Variants in DPP10 observed in about 807,000 individuals in gnomAD.
The protein encoded by DPP10 is inactive dipeptidyl peptidase 10.
DPP10 carries 33 observed loss-of-function variants against 120.9 expected under a neutral mutation model. That is an observed-to-expected ratio of 0.27 (90% CI 0.21 to 0.37). DPP10 has a LOEUF of 0.37. Among genes scored for constraint, DPP10 ranks in the 10% least tolerant of loss-of-function variants. The probability of loss-of-function intolerance (pLI) is 1.00; values close to 1 mark genes in which losing one functional copy is unlikely to be tolerated. For missense variants in DPP10, 816 were observed against 942.8 expected (o/e 0.87, Z 1.76); for synonymous variants, 337 against 326.1 (o/e 1.03, Z -0.36).
chr2:115,794,237 C>A (rs896134632), intron 19 of DPP10, among the ~76,000 whole-genome samples: 2 of 152,116 alleles, frequency 1.3e-5, no homozygotes, highest in African/African-American at 2.4e-5. Context: ...TGAGCCATTT[C>A]TTGATCTGTA....
chr2:115,243,239 G>A (rs1261673372), intron 1 of DPP10, among the ~76,000 whole-genome samples: 10 of 152,082 alleles, frequency 6.6e-5, no homozygotes, highest in Admixed American at 6.6e-4. Flanking sequence ...TTTAATTGTA[G>A]CAGGATCCCA....
chr2:114,555,737 T>C (rs889863324), intron 1 of DPP10, among the ~76,000 whole-genome samples: 1 of 152,210 alleles, frequency 6.6e-6, no homozygotes, highest in African/African-American at 2.4e-5. Context: ...TCATATTTAA[T>C]GATGTATAAC....
intron 1 of DPP10, among the ~76,000 whole-genome samples, chr2:114,850,775 A>G (rs1688889422): frequency 2.6e-5 from 4 of 152,198 alleles, no homozygotes; most frequent in Admixed American, 6.5e-5. Flanking sequence ...TTTCACTAGA[A>G]TAAGAATTCC....
intron 7 of DPP10, among the ~76,000 whole-genome samples, chr2:115,720,645 G>T (rs1029745883): frequency 6.6e-6 from 1 of 151,902 alleles, no homozygotes; most frequent in Non-Finnish European, 1.5e-5. Context: ...ATAGCATGTT[G>T]GAGGTTTCTA....
At chr2:115,338,273 G>A (rs929361687) in intron 2 of DPP10, among the ~76,000 whole-genome samples, 9 of 151,960 alleles carry the variant, frequency 5.9e-5, no homozygotes, top group African/African-American at 1.7e-4. Context: ...TTTTGTTACA[G>A]ACATATCGGG....
intron 1 of DPP10, among the ~76,000 whole-genome samples, chr2:115,241,649 C>T (rs2058287213): frequency 6.6e-6 from 1 of 152,186 alleles, no homozygotes; most frequent in Non-Finnish European, 1.5e-5. Flanking sequence ...CACAGGCTTT[C>T]TTTCTGATGT....
intron 1 of DPP10, among the ~76,000 whole-genome samples, chr2:114,714,680 G>T (rs1280911087): frequency 6.6e-6 from 1 of 152,078 alleles, no homozygotes; most frequent in African/African-American, 2.4e-5. Flanking sequence ...GAGACTATTT[G>T]TAAGGTTCTC....
intron 3 of DPP10, among the ~76,000 whole-genome samples, chr2:115,461,076 C>T (rs1361037230): frequency 6.6e-6 from 1 of 151,996 alleles, no homozygotes; most frequent in African/African-American, 2.4e-5. Context: ...TGTTATTTAA[C>T]CTATTGGTAT....
chr2:115,132,580 T>C (rs1423181343), intron 1 of DPP10, among the ~76,000 whole-genome samples: 1 of 152,206 alleles, frequency 6.6e-6, no homozygotes, highest in Non-Finnish European at 1.5e-5. Flanking sequence ...GGATTCTTTT[T>C]TGTCAGTCTT....
chr2:115,495,391 T>G (rs1367466149), intron 3 of DPP10, among the ~76,000 whole-genome samples: 3 of 96,400 alleles, frequency 3.1e-5, no homozygotes, highest in Non-Finnish European at 6.7e-5. Context: ...AAAAAGTTTT[T>G]CGTTCTGATT....
intron 19 of DPP10, among the ~76,000 whole-genome samples, chr2:115,797,957 A>ATG (rs1559166486): frequency 6.8e-6 from 1 of 146,046 alleles, no homozygotes; most frequent in East Asian, 1.9e-4. Flanking sequence ...GTGTGTGTGT[A>ATG]TATATATATA....
intron 3 of DPP10, among the ~76,000 whole-genome samples, chr2:115,418,925 G>A (rs965481611): frequency 3.9e-5 from 6 of 152,136 alleles, no homozygotes; most frequent in African/African-American, 1.4e-4. Context: ...CAGTCTGGGG[G>A]CAATATTCAC....
At chr2:114,864,615 A>T (rs1340163291) in intron 1 of DPP10, among the ~76,000 whole-genome samples, 1 of 152,226 alleles carries the variant, frequency 6.6e-6, no homozygotes, top group Non-Finnish European at 1.5e-5. Context: ...CAGGAAGCAT[A>T]AAGCCAGCAA....
At chr2:114,628,819 G>T (rs994515501) in intron 1 of DPP10, among the ~76,000 whole-genome samples, 1 of 152,118 alleles carries the variant, frequency 6.6e-6, no homozygotes, top group African/African-American at 2.4e-5. Flanking sequence ...CATTTTTATT[G>T]TTTCGTGCAG....
chr2:114,956,857 C>G (rs1478106484), intron 1 of DPP10, among the ~76,000 whole-genome samples: 2 of 151,842 alleles, frequency 1.3e-5, no homozygotes, highest in Non-Finnish European at 2.9e-5. Context: ...AAGACAGTCT[C>G]TTCAATAACT....
intron 5 of DPP10, among the ~76,000 whole-genome samples, chr2:115,635,395 G>A (rs930719642): frequency 6.6e-6 from 1 of 152,116 alleles, no homozygotes; most frequent in African/African-American, 2.4e-5. Flanking sequence ...TGGTTTCCCA[G>A]GCAGAGTAGC....
At chr2:115,431,991 T>A (rs1366879306) in intron 3 of DPP10, among the ~76,000 whole-genome samples, 1 of 152,128 alleles carries the variant, frequency 6.6e-6, no homozygotes, top group East Asian at 1.9e-4. Context: ...ACGGGAAATC[T>A]GTATACTGTA....
chr2:115,726,288 C>T (rs1214857280), intron 7 of DPP10, among the ~76,000 whole-genome samples: 1 of 152,128 alleles, frequency 6.6e-6, no homozygotes, highest in Non-Finnish European at 1.5e-5. Flanking sequence ...TTCATTTTGA[C>T]TTAGAGTTTG....
intron 1 of DPP10, among the ~76,000 whole-genome samples, chr2:114,499,356 T>G (rs1011872387): frequency 3.4e-4 from 52 of 152,132 alleles, no homozygotes; most frequent in African/African-American, 1.3e-3. Flanking sequence ...TTTTCTCCCT[T>G]CCTCTCCCTG....
Sources: gnomAD v4.1 joint callset for allele counts (sites outside exome capture counted in the v4.1 genomes callset) on GRCh38, gnomAD v4.1.1 for gene constraint, MANE v1.5 for transcripts, NCBI Gene and HGNC (gene_info 2026-07-23, HGNC 2026-07-21) for gene names.